GRIA1: variants seen among roughly 807,000 people sequenced by gnomAD.
GRIA1 encodes glutamate ionotropic receptor AMPA type subunit 1, also known as glutamate receptor 1.
In GRIA1, 31 loss-of-function variants were observed where a neutral mutation model predicts 99.2. The ratio of observed to expected loss-of-function variants is 0.31; its 90% CI spans 0.23 to 0.42. The LOEUF (loss-of-function observed/expected upper bound fraction) is 0.42, where lower values mean the gene tolerates loss of function less well. Among genes scored for constraint, GRIA1 ranks in the 10% least tolerant of loss-of-function variants. The pLI, the probability that GRIA1 is intolerant of heterozygous loss-of-function variation, is 1.00. For synonymous variants in GRIA1, 438 were observed against 432.4 expected, an observed-to-expected ratio of 1.01 and a Z score of -0.16; for missense variants, 782 against 1,157.5, an observed-to-expected ratio of 0.68 and a Z score of 4.71.
At chr5:153,627,726 T>TA (rs1219177578) in intron 2 of GRIA1, among the ~76,000 whole-genome samples, 3 of 152,172 alleles carry the variant, frequency 2.0e-5, no homozygotes, top group African/African-American at 7.2e-5. Flanking sequence ...CTCTGAGAGA[T>TA]ATTCCACACA....
chr5:153,571,955 C>A (rs1486702288), intron 2 of GRIA1, among the ~76,000 whole-genome samples: 1 of 152,092 alleles, frequency 6.6e-6, no homozygotes. Flanking sequence ...AGTTGCCATG[C>A]CATTTTAAGT....
chr5:153,776,888 A>G (rs1485656086), intron 13 of GRIA1, among the ~76,000 whole-genome samples: 1 of 152,224 alleles, frequency 6.6e-6, no homozygotes, highest in Non-Finnish European at 1.5e-5. Context: ...CATGAAGTCC[A>G]GTAGGCCTTC....
intron 2 of GRIA1, among the ~76,000 whole-genome samples, chr5:153,534,373 T>C (rs1246599251): frequency 1.3e-5 from 2 of 152,174 alleles, no homozygotes; most frequent in African/African-American, 2.4e-5. Flanking sequence ...CCTGGATCTA[T>C]TGGCAGATAC....
intron 2 of GRIA1, among the ~76,000 whole-genome samples, chr5:153,615,272 A>G (rs1384561534): frequency 1.3e-5 from 2 of 152,252 alleles, no homozygotes; most frequent in Non-Finnish European, 2.9e-5. Flanking sequence ...ACAACAAGGC[A>G]CAAAAGTAAA....
At chr5:153,548,663 T>TTA (rs1759831412) in intron 2 of GRIA1, among the ~76,000 whole-genome samples, 1 of 152,202 alleles carries the variant, frequency 6.6e-6, no homozygotes, top group South Asian at 2.1e-4. Flanking sequence ...TCCTTTCAAA[T>TTA]TATATGAGGG....
chr5:153,524,976 C>G (rs1418770066), intron 2 of GRIA1, among the ~76,000 whole-genome samples: 1 of 152,152 alleles, frequency 6.6e-6, no homozygotes, highest in Non-Finnish European at 1.5e-5. Context: ...AAATAGTGAA[C>G]AGATACATTC....
intron 10 of GRIA1, among the ~76,000 whole-genome samples, chr5:153,700,149 C>T (rs1459472013): frequency 6.6e-6 from 1 of 152,154 alleles, no homozygotes; most frequent in Non-Finnish European, 1.5e-5. Flanking sequence ...CCTTGGGAGG[C>T]CGAGGCAGGT....
In GRIA1 at chr5:153,576,621, G is replaced by A. The variant is rs149536225; in HGVS notation, c.221-70307G>A. 8.7e-3 allele frequency among the ~76,000 whole-genome samples: 1,329 copies of A among 152,248 alleles called. 7 individuals are homozygous for A. Among genetic ancestry groups the A allele is most frequent in the Middle Eastern group, 0.02 (6 of 294 alleles). ...TTTCTTCTCTTTTGTTAAAAGTTCT[G>A]TTAAAATATATATATTGTTAAAAAA... On this transcript the variant is annotated intron_variant, in intron 2 of 15. Coordinates refer to ENST00000285900, the MANE Select transcript of GRIA1 (RefSeq NM_000827.4).
intron 11 of GRIA1, among the ~76,000 whole-genome samples, chr5:153,715,268 C>G (rs72802694): frequency 0.078 from 11,929 of 152,006 alleles, 540 homozygotes; most frequent in African/African-American, 0.1. Context: ...TGTCTCCCAG[C>G]TCCATGCTCC....
intron 5 of GRIA1, among the ~76,000 whole-genome samples, chr5:153,656,383 T>TCATATATATATATATATATATATA (rs1754951606): frequency 1.1e-5 from 1 of 92,680 alleles, no homozygotes; most frequent in Non-Finnish European, 2.3e-5. Context: ...ATAAGTTTGT[T>TCATATATATATATATATATATATA]TATATATATA....
chr5:153,501,032 A>C (rs746175435), intron 2 of GRIA1, among the ~76,000 whole-genome samples: 4 of 152,212 alleles, frequency 2.6e-5, no homozygotes, highest in Non-Finnish European at 4.4e-5. Flanking sequence ...TATGATTAAT[A>C]GAAGTTCTCT....
At chr5:153,683,271 A>G (rs1234849472) in intron 7 of GRIA1, among the ~76,000 whole-genome samples, 1 of 152,196 alleles carries the variant, frequency 6.6e-6, no homozygotes, top group African/African-American at 2.4e-5. Flanking sequence ...TTGCTCTGCC[A>G]TCATGGAATG....
intron 8 of GRIA1, among the ~76,000 whole-genome samples, chr5:153,693,158 G>T (rs1757878877): frequency 1.3e-5 from 2 of 152,048 alleles, no homozygotes; most frequent in South Asian, 4.1e-4. Flanking sequence ...GGGTCTTTCT[G>T]GATTTCAACA....
chr5:153,566,083 T>C (rs1761581747), intron 2 of GRIA1, among the ~76,000 whole-genome samples: 1 of 152,054 alleles, frequency 6.6e-6, no homozygotes, highest in African/African-American at 2.4e-5. Context: ...CCAGTTTACA[T>C]TCTCACCAGC....
At chr5:153,568,769 G>A (rs1761872133) in intron 2 of GRIA1, among the ~76,000 whole-genome samples, 1 of 151,950 alleles carries the variant, frequency 6.6e-6, no homozygotes, top group Non-Finnish European at 1.5e-5. Context: ...TCATTGCCTA[G>A]AGCTCTCCGA....
intron 2 of GRIA1, among the ~76,000 whole-genome samples, chr5:153,551,631 G>A (rs146195716): frequency 6.6e-6 from 1 of 152,118 alleles, no homozygotes; most frequent in Admixed American, 6.6e-5. Context: ...CCTTCAGAAG[G>A]CTCCTTCTCC....
chr5:153,686,198 T>C, intron 7 of GRIA1, 27 bp from the exon 8 acceptor site: 2 of 1,524,422 alleles, frequency 1.3e-6, no homozygotes, highest in Non-Finnish European at 1.8e-6. Flanking sequence ...CTGAGTTCAC[T>C]GCCCACCACT....
At chr5:153,716,189 T>G (rs561944703) in intron 11 of GRIA1, among the ~76,000 whole-genome samples, 1 of 152,354 alleles carries the variant, frequency 6.6e-6, no homozygotes, top group African/African-American at 2.4e-5. Flanking sequence ...CTAATCTTCT[T>G]GAAAACTCTG....
At chr5:153,687,904 T>G (rs1264249222) in intron 8 of GRIA1, among the ~76,000 whole-genome samples, 1 of 152,220 alleles carries the variant, frequency 6.6e-6, no homozygotes, top group African/African-American at 2.4e-5. Context: ...ATCTCACAAT[T>G]CTGTAGGTCA....
Sources: allele counts gnomAD v4.1 joint callset (sites outside exome capture counted in the v4.1 genomes callset), GRCh38; gene constraint gnomAD v4.1.1; transcripts MANE v1.5; gene names NCBI Gene and HGNC (gene_info 2026-07-23, HGNC 2026-07-21).